The following TTLL10 variants were observed in gnomAD, a reference collection of about 807,000 sequenced individuals.
TTLL10 encodes inactive polyglycylase TTLL10.
TTLL10 carries 61 observed loss-of-function variants against 69.0 expected under a neutral mutation model. That is an observed-to-expected ratio of 0.88 (90% CI 0.72 to 1.09). The LOEUF (loss-of-function observed/expected upper bound fraction) is 1.09. Among genes scored for constraint, TTLL10 ranks in the 50% least tolerant of loss-of-function variants. The pLI is 0.00. For synonymous variants in TTLL10, 408 were observed against 393.3 expected, an observed-to-expected ratio of 1.04 and a Z score of -0.44; for missense variants, 962 against 945.9, an observed-to-expected ratio of 1.02 and a Z score of -0.22.
At position 1,179,287 on chromosome 1, in the gene TTLL10, G is replaced by T; in HGVS notation, c.72G>T (p.Arg24Ser). ...CTCGGACCCGAGCCGGCTTCAAGAGGGGCAAGAGGCCAAGGATCCAGCAGA... is the reference window on the plus strand; with the variant it reads ...CTCGGACCCGAGCCGGCTTCAAGAGTGGCAAGAGGCCAAGGATCCAGCAGA... ...PPTRTRAGFK[R>S]GKRPRIQQRP... Residue 24 changes from arginine (R) to serine (S), a missense_variant, in exon 4 of 16, where the codon AGG becomes AGT. Arg to Ser is a moderately radical substitution (Grantham distance 110). Transcript: ENST00000379289. 6.4e-7 allele frequency: 1 copy of T among 1,551,314 alleles called. No individual in the cohort carries two copies. Among genetic ancestry groups the T allele is most frequent in the South Asian group, 1.2e-5 (1 of 84,062 alleles).
intron 13 of TTLL10, among the ~76,000 whole-genome samples, chr1:1,195,500 C>CTCTTTTTTTTTTT: frequency 1.0e-5 from 1 of 98,784 alleles, no homozygotes; most frequent in East Asian, 8.3e-4. Context: ...CATCGTCATA[C>CTCTTTTTTTTTTT]TTTTTTTTTT....
In TTLL10 at chr1:1,179,429, G is replaced by A. The variant is rs564951743; in HGVS notation, c.118+96G>A. 143 of 1,300,090 alleles carry A rather than the reference G, an allele frequency of 1.1e-4. No individual in the cohort carries two copies. The African/African-American group carries it at 2.0e-3, about 18-fold the overall frequency. 80.5% of individuals were successfully genotyped at this position (1,300,090 alleles called of 1,614,324 possible). The stretch of plus-strand genomic sequence containing the variant: ...ACCCAAGGAAGTCAGTCGGCCTCAT[G>A]GGGCAGGGGCAGGATCCACACATGG... On this transcript the variant is annotated intron_variant, in intron 4 of 15. Transcript: ENST00000379289.
intron 13 of TTLL10, among the ~76,000 whole-genome samples, chr1:1,190,859 CTT>C (rs1647720756): frequency 6.6e-6 from 1 of 151,500 alleles, no homozygotes; most frequent in African/African-American, 2.4e-5. Context: ...GAGTTTCGCT[CTT>C]GTCACCTAGG....
Position 1,197,780 on chromosome 1 carries a change from C to T in TTLL10, c.1955C>T (p.Pro652Leu), listed in dbSNP as rs536420661. 75 of 1,533,018 alleles carry T rather than the reference C, an allele frequency of 4.9e-5. No individual in the cohort carries two copies. The East Asian group carries it at 9.6e-4, about 20-fold the overall frequency. 95.0% of individuals were successfully genotyped at this position (1,533,018 alleles called of 1,614,324 possible). ...CAGTCGGGCACAGGCAACAGGCACCCGGCGCAAGAGCCTTCCCCGGGGACA... is the reference window on the plus strand; with the variant it reads ...CAGTCGGGCACAGGCAACAGGCACCTGGCGCAAGAGCCTTCCCCGGGGACA... ...TEQSGTGNRH[P>L]AQEPSPGTAK... Residue 652 changes from proline to leucine, a missense_variant, in exon 16 of 16, where the codon CCG becomes CTG. By Grantham distance (98) the Pro-to-Leu change is moderately conservative (BLOSUM62 -3). Coordinates refer to ENST00000379289, the MANE Select transcript of TTLL10 (RefSeq NM_001130045.2).
At chr1:1,187,895 A>G (rs1460104797) in intron 13 of TTLL10, among the ~76,000 whole-genome samples, 1 of 143,432 alleles carries the variant, frequency 7.0e-6, no homozygotes, top group Non-Finnish European at 1.5e-5. Context: ...ATGGAGCAAG[A>G]CTCCATCTCA....
Position 1,197,745 on chromosome 1 carries a change from G to A in TTLL10, c.1920G>A (p.Pro640=), listed in dbSNP as rs564585467. 5.6e-4 allele frequency: 854 copies of A among 1,534,478 alleles called. 1 individual carries two copies. In the African/African-American group the frequency reaches 7.6e-3, roughly 14 times the overall value. Residue 640 remains proline (P), a synonymous_variant, in exon 16 of 16, where the codon CCG becomes CCA. Transcript: ENST00000379289. ...DSAHDGEPQA[P]GTEQSGTGNR... is the part of the protein sequence containing the mutation. ...CCCACGATGGGGAGCCCCAGGCCCC[G>A]GGCACGGAGCAGTCGGGCACAGGCA...
intron 13 of TTLL10, among the ~76,000 whole-genome samples, chr1:1,187,098 G>A (rs1008929077): frequency 2.6e-5 from 4 of 151,542 alleles, no homozygotes; most frequent in Non-Finnish European, 5.9e-5. Context: ...TGCCCGCCTC[G>A]GCCTCCCAAA....
chr1:1,180,383 ACCGCCTGCTC>A (rs1647014681), intron 6 of TTLL10, 43 bp downstream of exon 6: 1 of 1,539,240 alleles, frequency 6.5e-7, no homozygotes, highest in Non-Finnish European at 8.8e-7. Context: ...CTGAATACCC[ACCGCCTGCTC>A]CCGGGGCCCA....
chr1:1,183,632 C>T (rs957900084), intron 11 of TTLL10, among the ~76,000 whole-genome samples: 8 of 152,356 alleles, frequency 5.3e-5, no homozygotes, highest in Non-Finnish European at 7.3e-5. Flanking sequence ...GCCCGCCTGG[C>T]GCGCTCCTTC....
chr1:1,179,630 A>G (rs1265386277), intron 4 of TTLL10, 27 bp from the exon 5 acceptor site: 3 of 1,550,566 alleles, frequency 1.9e-6, no homozygotes, highest in Admixed American at 2.0e-5. Context: ...TGACATCATC[A>G]TGGACATTGT....
Position 1,179,757 on chromosome 1 carries a change from C to T in TTLL10, c.199+20C>T, listed in dbSNP as rs1292684463. The T allele has an allele frequency of 4.5e-6, 7 of 1,538,584 alleles. No individual in the cohort carries two copies. Among genetic ancestry groups the T allele is most frequent in the South Asian group, 1.2e-5 (1 of 82,872 alleles). On this transcript the variant is annotated intron_variant, in intron 5 of 15. Coordinates refer to ENST00000379289, the MANE Select transcript of TTLL10 (RefSeq NM_001130045.2). ...CTGTTGGTGAGGAGGGTCGGAGGGG[C>T]GACCTCCCTGCCCCCTGCTCCAAGC...
chr1:1,184,998 G>A lies in TTLL10; in HGVS notation c.1290G>A (p.Met430Ile), dbSNP rs1647214708. 1.2e-6 allele frequency: 2 copies of A among 1,613,586 alleles called. No homozygotes were observed. Among genetic ancestry groups the A allele is most frequent in the South Asian group, 2.2e-5 (2 of 90,994 alleles). The part of the protein sequence containing the change: ...QFMQKKSPLY[M>I]LLKEHTVWSM... Reference sequence around the variant, plus strand: ...TGCAGAAGAAGAGCCCTCTGTACATGCTGCTGAAGGAGCACACGGTGTGGA... The same window carrying A: ...TGCAGAAGAAGAGCCCTCTGTACATACTGCTGAAGGAGCACACGGTGTGGA... The change falls in exon 13 of 16, where the codon ATG (methionine) becomes ATA (isoleucine). Residue 430 changes from methionine to isoleucine, a missense_variant. Coordinates refer to ENST00000379289, the MANE Select transcript of TTLL10 (RefSeq NM_001130045.2).
chr1:1,183,126 C>T (rs572607586), intron 11 of TTLL10, 79 bp downstream of exon 11: 79 of 1,470,046 alleles, frequency 5.4e-5, no homozygotes, highest in Admixed American at 1.4e-4. Context: ...GCAGGGCCGC[C>T]GAGGAGCCCT....
Position 1,185,576 on chromosome 1 carries a change from T to G in TTLL10, c.1401+467T>G. On this transcript the variant is annotated intron_variant, in intron 13 of 15. Transcript: ENST00000379289. The surrounding 1 kb of genome is among the most constrained non-coding windows in gnomAD (Gnocchi z 6.1). ...CCTAATTTTGCAGGGTTCCTTTCTG[T>G]GGGGGTACCTGTGGGGTACTTCAAA... 6.1e-6 allele frequency: 6 copies of G among 991,358 alleles called. No individual in the cohort carries two copies. Among genetic ancestry groups the G allele is most frequent in the Non-Finnish European group, 7.2e-6 (6 of 834,226 alleles). The allele number at this position is 991,358 out of a possible 1,614,324, so 61.4% of individuals were successfully genotyped here.
chr1:1,184,165 G>T, intron 12 of TTLL10, 74 bp downstream of exon 12: 1 of 1,581,738 alleles, frequency 6.3e-7, no homozygotes, highest in African/African-American at 1.3e-5. Context: ...ACTGCTAGGG[G>T]GTGCAGAGGG....
Position 1,183,933 on chromosome 1 carries a change from C to A in TTLL10, c.1102C>A (p.Pro368Thr), listed in dbSNP as rs761791859. Residue 368 changes from proline to threonine, a missense_variant, in exon 12 of 16, where the codon CCG becomes ACG. Physicochemically the swap from Pro to Thr is conservative, Grantham distance 38 (BLOSUM62 -1). Transcript: ENST00000379289. Reference sequence around the variant, plus strand: ...TGGTGCCCCCAGGTACATCCAGAACCCGCTGCTGGTGGACGGGAGAAAGTT... The same window carrying A: ...TGGTGCCCCCAGGTACATCCAGAACACGCTGCTGGTGGACGGGAGAAAGTT... ...ARVVQRYIQN[P>T]LLVDGRKFDV... The A allele has an allele frequency of 1.5e-5, 25 of 1,614,198 alleles. No homozygotes were observed. Among genetic ancestry groups the A allele is most frequent in the Non-Finnish European group, 2.1e-5 (25 of 1,180,022 alleles).
chr1:1,175,127 A>C (rs1181467631), intron 3 of TTLL10: 1 of 157,016 alleles, frequency 6.4e-6, no homozygotes, highest in Non-Finnish European at 1.4e-5. Flanking sequence ...AAAAATTAAA[A>C]AAAAAAACAC....
intron 11 of TTLL10, among the ~76,000 whole-genome samples, chr1:1,183,541 G>A (rs918779528): frequency 2.6e-5 from 4 of 152,144 alleles, no homozygotes; most frequent in South Asian, 2.1e-4. Flanking sequence ...AGCTTCCATC[G>A]GCTCCTCCCT....
chr1:1,197,061 G>C, intron 14 of TTLL10, 32 bp from the exon 15 acceptor site: 3 of 1,548,318 alleles, frequency 1.9e-6, no homozygotes, highest in Non-Finnish European at 2.6e-6. Context: ...GTGGGCTCGG[G>C]GTGAGGAGGG....
Sources: allele counts gnomAD v4.1 joint callset (sites outside exome capture counted in the v4.1 genomes callset), GRCh38; gene constraint gnomAD v4.1.1; non-coding constraint Gnocchi (gnomAD v3.1); transcripts MANE v1.5; gene names NCBI Gene and HGNC (gene_info 2026-07-23, HGNC 2026-07-21).